Variants in FRK observed in about 807,000 individuals in gnomAD.
FRK encodes the protein fyn related Src family tyrosine kinase, also known as tyrosine-protein kinase FRK.
A neutral mutation model predicts 56.4 loss-of-function variants in FRK; 51 were observed. That is an observed-to-expected ratio of 0.90 (90% CI 0.72 to 1.14). FRK has a LOEUF of 1.14. Ranked by LOEUF, FRK falls within the 50% of genes most tolerant of loss-of-function variation. The probability of loss-of-function intolerance (pLI) is 0.00; values close to 1 mark genes in which losing one functional copy is unlikely to be tolerated. For synonymous variants in FRK, 245 were observed against 217.9 expected (o/e 1.12, Z -1.10); for missense variants, 570 against 601.4 (o/e 0.95, Z 0.55).
chr6:116,066,755 G>A, the FRK span, among the ~76,000 whole-genome samples: 5 of 152,032 alleles, frequency 3.3e-5, no homozygotes, highest in Admixed American at 2.6e-4. Context: ...TTCTGACCAT[G>A]GATTCTTTCT....
chr6:116,030,788 T>C (rs1776280961), intron 1 of FRK, among the ~76,000 whole-genome samples: 1 of 152,084 alleles, frequency 6.6e-6, no homozygotes, highest in African/African-American at 2.4e-5. Context: ...TGTGAGCCAT[T>C]TGAGCAAACT....
At chr6:116,077,759 C>G in the FRK span, among the ~76,000 whole-genome samples, 2 of 152,158 alleles carry the variant, frequency 1.3e-5, no homozygotes, top group African/African-American at 2.4e-5. Flanking sequence ...TCGATGTCAT[C>G]ATGCCTATGA....
chr6:115,990,941 T>A (rs1774578977), intron 2 of FRK, among the ~76,000 whole-genome samples: 1 of 151,958 alleles, frequency 6.6e-6, no homozygotes, highest in Non-Finnish European at 1.5e-5. Context: ...TCATCTACAG[T>A]TTCTTTCATC....
At chr6:116,079,595 A>G in the FRK span, among the ~76,000 whole-genome samples, 4 of 151,854 alleles carry the variant, frequency 2.6e-5, no homozygotes, top group African/African-American at 7.3e-5. Context: ...TGTTTAATAA[A>G]TCTCTTCTTT....
At chr6:116,039,045 G>C in intron 1 of FRK, 2 of 756,028 alleles carry the variant, frequency 2.6e-6, no homozygotes, top group Non-Finnish European at 5.0e-6. Flanking sequence ...CACTCAGAGA[G>C]TAGGCATGTC....
At chr6:116,089,805 G>C in the FRK span, among the ~76,000 whole-genome samples, 20 of 152,170 alleles carry the variant, frequency 1.3e-4, no homozygotes, top group African/African-American at 4.3e-4. Context: ...CTGAGGGTTA[G>C]AGCTTTAAAA....
At chr6:115,973,570 T>A (rs485652) in intron 2 of FRK, among the ~76,000 whole-genome samples, 149,876 of 152,068 alleles carry the variant, frequency 0.99, 73,893 homozygotes, top group South Asian at 1. Flanking sequence ...TAAAAATTTT[T>A]AAAAAAAGCC....
chr6:115,967,422 C>T (rs1211652031), intron 4 of FRK, 129 bp downstream of exon 4: 9 of 817,726 alleles, frequency 1.1e-5, no homozygotes, highest in East Asian at 2.5e-5. Context: ...GTCACCTGGG[C>T]TAGAGACAAT....
intron 5 of FRK, among the ~76,000 whole-genome samples, chr6:115,945,615 T>A (rs959877366): frequency 6.6e-6 from 1 of 152,180 alleles, no homozygotes; most frequent in African/African-American, 2.4e-5. Flanking sequence ...CTAACTTTTA[T>A]GGCTGAGCCA....
At chr6:116,062,449 A>G (rs539635664), upstream of FRK, among the ~76,000 whole-genome samples, 1 of 151,092 alleles carries the variant, frequency 6.6e-6, no homozygotes, top group East Asian at 1.9e-4. Flanking sequence ...AGACATCTAC[A>G]TGATCTAAAA....
At chr6:115,948,568 T>C (rs559460765) in intron 5 of FRK, among the ~76,000 whole-genome samples, 30 of 152,356 alleles carry the variant, frequency 2.0e-4, no homozygotes, top group African/African-American at 7.2e-4. Flanking sequence ...ACCCTCAATA[T>C]TGGTGTTTCT....
At chr6:115,988,316 A>G (rs1260464337) in intron 2 of FRK, among the ~76,000 whole-genome samples, 1 of 152,088 alleles carries the variant, frequency 6.6e-6, no homozygotes, top group Non-Finnish European at 1.5e-5. Context: ...TATCATGAAC[A>G]CATTTTGTGT....
Position 115,968,673 on chromosome 6 carries a change from G to A in FRK, c.533C>T (p.Thr178Met), listed in dbSNP as rs190975105. 2.0e-4 allele frequency: 330 copies of A among 1,613,716 alleles called. No homozygotes were observed. Among genetic ancestry groups the A allele is most frequent in the Admixed American group, 5.3e-4 (32 of 59,962 alleles). ...CAGTGTTGAAAAGATTCTTCTTCGC[G>A]TGAGAAAAAATCCCCCTTCATCCAG... ...KRLDEGGFFL[T>M]RRRIFSTLNE... The change falls in exon 3 of 8, where the codon ACG (threonine) becomes ATG (methionine). Residue 178 changes from threonine to methionine, a missense_variant. By Grantham distance (81) the Thr-to-Met change is moderately conservative (BLOSUM62 -1). Transcript: ENST00000606080.
chr6:115,987,620 A>G (rs1191976039), intron 2 of FRK, among the ~76,000 whole-genome samples: 1 of 152,082 alleles, frequency 6.6e-6, no homozygotes, highest in African/African-American at 2.4e-5. Flanking sequence ...TCTTTCCTAT[A>G]CGGGTGTCTC....
rs1772215298 is a variant in FRK, at chr6:115,942,291, T to A, written c.*123A>T. 3 of 809,890 alleles carry A rather than the reference T, an allele frequency of 3.7e-6. No individual in the cohort carries two copies. The highest frequency in any genetic ancestry group is 1.7e-5 in the African/African-American group (1 of 58,110). 50.2% of individuals were successfully genotyped at this position (809,890 alleles called of 1,614,324 possible). Reference sequence around the variant, plus strand: ...TCTTTTTCATAATACATGGCCAACTTTATCCTATCACTTGAATATGTCAGG... The same window carrying A: ...TCTTTTTCATAATACATGGCCAACTATATCCTATCACTTGAATATGTCAGG... On this transcript the variant is annotated 3_prime_UTR_variant, in exon 8 of 8. Transcript: ENST00000606080.
intron 1 of FRK, among the ~76,000 whole-genome samples, chr6:116,048,905 A>G (rs1777084900): frequency 6.6e-6 from 1 of 152,186 alleles, no homozygotes; most frequent in Non-Finnish European, 1.5e-5. Context: ...AATGTATTCA[A>G]AAATGTTATT....
intron 2 of FRK, among the ~76,000 whole-genome samples, chr6:115,987,205 C>T (rs1277983916): frequency 1.3e-5 from 2 of 151,984 alleles, no homozygotes; most frequent in Admixed American, 6.6e-5. Flanking sequence ...CATGCATTAA[C>T]TCATTTAATC....
At chr6:115,955,597 T>C (rs758022174) in intron 5 of FRK, among the ~76,000 whole-genome samples, 18 of 152,320 alleles carry the variant, frequency 1.2e-4, no homozygotes, top group Non-Finnish European at 2.4e-4. Flanking sequence ...GTTATTCTTA[T>C]CTTGTTTTGT....
rs1458947973 is a variant in FRK, at chr6:115,931,520, A to G, written c.*10894T>C. On this transcript the variant is annotated 3_prime_UTR_variant, in exon 8 of 8. Coordinates refer to ENST00000606080, the MANE Select transcript of FRK (RefSeq NM_002031.3). ...TACAATATAAATATTAAAGAATACAATATAAAAACATGCATGTTTTTAAGA... is the reference window on the plus strand; with the variant it reads ...TACAATATAAATATTAAAGAATACAGTATAAAAACATGCATGTTTTTAAGA... 1 of 152,176 alleles carries G rather than the reference A, an allele frequency of 6.6e-6. No homozygotes were observed. The allele number at this position is 152,176 out of a possible 1,614,324, so 9.4% of individuals were successfully genotyped here. A position where few individuals can be genotyped will look rare whatever the true frequency, so the allele number is the denominator to read the frequency against.
Sources: gnomAD v4.1 joint callset for allele counts (sites outside exome capture counted in the v4.1 genomes callset) on GRCh38, gnomAD v4.1.1 for gene constraint, MANE v1.5 for transcripts, NCBI Gene and HGNC (gene_info 2026-07-23, HGNC 2026-07-21) for gene names.